Variants in TTC34 observed in about 807,000 individuals in gnomAD.
The protein encoded by TTC34 is tetratricopeptide repeat protein 34.
Under a neutral mutation model 40.7 loss-of-function variants are expected in TTC34, and 44 were observed. The ratio of observed to expected loss-of-function variants is 1.08; its 90% CI spans 0.85 to 1.39. The LOEUF (loss-of-function observed/expected upper bound fraction) is 1.39, where lower values mean the gene tolerates loss of function less well. Ranked by LOEUF, TTC34 falls within the 40% of genes most tolerant of loss-of-function variation. TTC34 has a pLI of 0.00. For missense variants in TTC34, 884 were observed against 838.0 expected (o/e 1.05, Z -0.68); for synonymous variants, 422 against 398.6 (o/e 1.06, Z -0.70).
At chr1:2,795,627 G>A (rs566004748) in intron 2 of TTC34, among the ~76,000 whole-genome samples, 23 of 152,300 alleles carry the variant, frequency 1.5e-4, no homozygotes, top group Admixed American at 3.3e-4. Flanking sequence ...GATTCTGTAC[G>A]GAGAACAGAC....
At chr1:2,655,588 T>G (rs1169516310) in intron 6 of TTC34, among the ~76,000 whole-genome samples, 4 of 144,746 alleles carry the variant, frequency 2.8e-5, no homozygotes, top group Non-Finnish European at 5.9e-5. Context: ...GGTTAGCATC[T>G]GACAGCCTGG....
At chr1:2,688,469 A>T (rs1378520300) in intron 6 of TTC34, among the ~76,000 whole-genome samples, 2 of 100,232 alleles carry the variant, frequency 2.0e-5, no homozygotes, top group African/African-American at 5.7e-5. Context: ...AACATCCGAC[A>T]TTGTGGAGCA....
chr1:2,694,607 GAAACC>G (rs1233334509), intron 6 of TTC34, among the ~76,000 whole-genome samples: 2,543 of 78,192 alleles, frequency 0.033, 224 homozygotes, highest in Non-Finnish European at 0.049. Flanking sequence ...GCGAGCATCT[GAAACC>G]ACGGAGCAGC....
rs1643707278 is a variant in TTC34, at chr1:2,796,029, G to A, written c.784+4015C>T. Among the ~76,000 whole-genome samples the A allele has an allele frequency of 6.6e-6, 1 of 152,212 alleles. No individual in the cohort carries two copies. Among genetic ancestry groups the A allele is most frequent in the South Asian group, 2.1e-4 (1 of 4,832 alleles). ...TAGGCCATGAGGGCTCTGCTCTTGT[G>A]GGTGGGATTAATGCAAGTTCAGCCC... On this transcript the variant is annotated intron_variant, in intron 2 of 8. Transcript: ENST00000401095. This position sits in a 1 kb window ranked among gnomAD's most constrained non-coding sequence, Gnocchi z 4.5.
chr1:2,756,599 A>G, intron 6 of TTC34, among the ~76,000 whole-genome samples: 1 of 150,454 alleles, frequency 6.6e-6, no homozygotes, highest in African/African-American at 2.4e-5. Flanking sequence ...ACAGGTGAGC[A>G]TCTGACAGCC....
intron 4 of TTC34, 66 bp from the exon 5 acceptor site, chr1:2,786,089 G>C (rs1643584681): frequency 7.5e-7 from 1 of 1,329,118 alleles, no homozygotes; most frequent in East Asian, 3.1e-5. Context: ...ACCCTGTACT[G>C]ACGCCCCTGG....
intron 6 of TTC34, among the ~76,000 whole-genome samples, chr1:2,751,642 C>T (rs1641323988): frequency 3.5e-5 from 5 of 142,822 alleles, no homozygotes; most frequent in African/African-American, 8.1e-5. Flanking sequence ...GGAACAGCAC[C>T]CACACCCCCA....
rs1262880562 is a variant in TTC34, at chr1:2,751,442, C to T, written c.2226+32167G>A. ...GCATCTGACAGCCTGGAACAGAGCC[C>T]AGACCCCCAGGTGAGCATCTGACAG... is the stretch of plus-strand genomic sequence containing the variant. On this transcript the variant is annotated intron_variant, in intron 6 of 8. Coordinates refer to ENST00000401095, the Ensembl canonical transcript of TTC34. Among the ~76,000 whole-genome samples the T allele has an allele frequency of 7.7e-5, 9 of 117,104 alleles. 3 individuals carry two copies. In the South Asian group the frequency reaches 1.7e-3, roughly 22 times the overall value. The allele number at this position is 117,104 out of a possible 152,430, so 76.8% of individuals were successfully genotyped here. A position where few individuals can be genotyped will look rare whatever the true frequency, so the allele number is the denominator to read the frequency against.
chr1:2,683,358 G>C (rs1640164728), intron 6 of TTC34, among the ~76,000 whole-genome samples: 1 of 145,274 alleles, frequency 6.9e-6, no homozygotes, highest in Non-Finnish European at 1.5e-5. Flanking sequence ...GCACCCCCAG[G>C]TGAGCATCTG....
intron 6 of TTC34, among the ~76,000 whole-genome samples, chr1:2,777,620 C>A (rs1032320137): frequency 6.7e-6 from 1 of 149,834 alleles, no homozygotes; most frequent in African/African-American, 2.5e-5. Context: ...TGAGCCCCAG[C>A]GCTGAGTCAG....
chr1:2,644,310 C>T lies in TTC34; in HGVS notation c.2666G>A (p.Cys889Tyr), dbSNP rs1463244402. ...CGAGGCCTCCAGGAGATGCAGCAGG[C>T]AGCTGAGATCCGGGGCATCCACCTC... The change falls in exon 8 of 9, where the codon TGC becomes TAC. Residue 889 changes from cysteine to tyrosine, a missense_variant. Coordinates refer to ENST00000401095, the Ensembl canonical transcript of TTC34. The T allele has an allele frequency of 3.3e-6, 5 of 1,535,642 alleles. No individual in the cohort carries two copies. In the Admixed American group the frequency reaches 5.9e-5, roughly 18 times the overall value.
At chr1:2,683,592 C>T (rs1187200123) in intron 6 of TTC34, among the ~76,000 whole-genome samples, 2 of 124,460 alleles carry the variant, frequency 1.6e-5, no homozygotes, top group Non-Finnish European at 3.5e-5. Flanking sequence ...AGCACCCACA[C>T]ACTCAGGCGA....
intron 6 of TTC34, among the ~76,000 whole-genome samples, chr1:2,782,508 T>TTCTC (rs34425096): frequency 7.3e-5 from 11 of 151,376 alleles, no homozygotes; most frequent in African/African-American, 2.7e-4. Flanking sequence ...TGTAATCTTT[T>TTCTC]TCTCTCTCTC....
At position 2,762,163 on chromosome 1, in the gene TTC34, G is replaced by A. The variant is rs1387983408; in HGVS notation, c.2226+21446C>T. On this transcript the variant is annotated intron_variant, in intron 6 of 8. Transcript: ENST00000401095. Reference sequence around the variant, plus strand: ...CGAGCATCTGACAGCCTGGAGCAGCGCCCACACCCCCAGGTGAGCATGTGA... The same window carrying A: ...CGAGCATCTGACAGCCTGGAGCAGCACCCACACCCCCAGGTGAGCATGTGA... Among the ~76,000 whole-genome samples the A allele has an allele frequency of 3.7e-3, 93 of 25,358 alleles. 2 individuals carry two copies. The highest frequency in any genetic ancestry group is 4.5e-3 in the Non-Finnish European group (74 of 16,416). 16.6% of individuals were successfully genotyped at this position (25,358 alleles called of 152,430 possible).
intron 6 of TTC34, among the ~76,000 whole-genome samples, chr1:2,696,313 T>C (rs1337464526): frequency 1.1e-5 from 1 of 90,998 alleles, no homozygotes; most frequent in African/African-American, 4.3e-5. Context: ...AACAGCACCC[T>C]GCACCCCCAG....
chr1:2,688,569 A>G (rs1276178555), intron 6 of TTC34, among the ~76,000 whole-genome samples: 4 of 134,728 alleles, frequency 3.0e-5, no homozygotes, highest in Non-Finnish European at 4.6e-5. Context: ...CAGCACCCAC[A>G]CCTTCCGGCG....
At chr1:2,650,451 G>GC (rs1489830664) in intron 6 of TTC34, among the ~76,000 whole-genome samples, 1 of 150,720 alleles carries the variant, frequency 6.6e-6, no homozygotes, top group Admixed American at 6.6e-5. Flanking sequence ...GCCTGGAACA[G>GC]CATTCTCCAA....
At chr1:2,785,862 G>A (rs756544743) in exon 5 of TTC34, 1 of 1,544,592 alleles carries the variant, frequency 6.5e-7, no homozygotes, top group South Asian at 1.2e-5. Flanking sequence ...TGGCCTCCTT[G>A]GTGTGAACCC....
rs545413193 is a variant in TTC34 at position 2,694,911 on chromosome 1, C to T, written c.2227-49348G>A. Among the ~76,000 whole-genome samples the T allele has an allele frequency of 9.1e-3, 1,111 of 122,062 alleles. 301 individuals carry two copies. The highest frequency in any genetic ancestry group is 0.011 in the Non-Finnish European group (598 of 56,714). 80.1% of individuals were successfully genotyped at this position (122,062 alleles called of 152,430 possible). A position where few individuals can be genotyped will look rare whatever the true frequency, so the allele number is the denominator to read the frequency against. Reference sequence around the variant, plus strand: ...CCGACAGCCTGGAACAGCACCCACACACTCACGCGAGCACCTGACATCCTT... The same window carrying T: ...CCGACAGCCTGGAACAGCACCCACATACTCACGCGAGCACCTGACATCCTT... On this transcript the variant is annotated intron_variant, in intron 6 of 8. Transcript: ENST00000401095.
Sources: gnomAD v4.1 joint callset for allele counts (sites outside exome capture counted in the v4.1 genomes callset) on GRCh38, gnomAD v4.1.1 for gene constraint, Gnocchi (gnomAD v3.1) non-coding constraint, MANE v1.5 for transcripts, NCBI Gene and HGNC (gene_info 2026-07-23, HGNC 2026-07-21) for gene names.